The following FGGY variants were observed in gnomAD, a reference collection of about 807,000 sequenced individuals.
FGGY encodes the protein FGGY carbohydrate kinase domain containing.
Under a neutral mutation model 71.3 loss-of-function variants are expected in FGGY, and 72 were observed. The ratio of observed to expected loss-of-function variants is 1.01; its 90% CI spans 0.84 to 1.23. The LOEUF (loss-of-function observed/expected upper bound fraction) is 1.23, where lower values mean the gene tolerates loss of function less well. Among genes scored for constraint, FGGY ranks in the 50% most tolerant of loss-of-function variants. The pLI is 0.00. For synonymous variants in FGGY, 251 were observed against 250.3 expected (o/e 1.00, Z -0.02); for missense variants, 668 against 682.3 (o/e 0.98, Z 0.23).
intron 9 of FGGY, among the ~76,000 whole-genome samples, chr1:59,610,438 C>T (rs2096663622): frequency 6.6e-6 from 1 of 152,200 alleles, no homozygotes; most frequent in Non-Finnish European, 1.5e-5. Context: ...CATAGTATTC[C>T]ATGGTGTATA....
At chr1:59,536,053 T>C (rs2153674191) in intron 7 of FGGY, among the ~76,000 whole-genome samples, 1 of 151,556 alleles carries the variant, frequency 6.6e-6, no homozygotes, top group East Asian at 1.9e-4. Flanking sequence ...AGCTGGTTTT[T>C]TGAAAGGATC....
At chr1:59,747,189 G>A (rs2098205897) in intron 14 of FGGY, among the ~76,000 whole-genome samples, 1 of 152,166 alleles carries the variant, frequency 6.6e-6, no homozygotes. Context: ...TCTGTCTGAT[G>A]CTTTTAGCAA....
chr1:59,378,601 A>G (rs2058964181), intron 4 of FGGY, 148 bp from the exon 5 acceptor site: 3 of 608,966 alleles, frequency 4.9e-6, no homozygotes, highest in African/African-American at 3.7e-5. Flanking sequence ...CTGCTTTTAT[A>G]TTATTCCTAC....
At chr1:59,696,989 GAA>G (rs34816683) in intron 14 of FGGY, among the ~76,000 whole-genome samples, 72 of 149,974 alleles carry the variant, frequency 4.8e-4, no homozygotes, top group African/African-American at 1.4e-3. Context: ...AAAATTACAT[GAA>G]AAAAAAAAAC....
At chr1:59,517,354 CT>C (rs2094691131) in intron 7 of FGGY, among the ~76,000 whole-genome samples, 1 of 148,472 alleles carries the variant, frequency 6.7e-6, no homozygotes. Flanking sequence ...CAAGCTCCGC[CT>C]CCCGGGTTCA....
intron 6 of FGGY, among the ~76,000 whole-genome samples, chr1:59,494,025 T>C (rs565547019): frequency 1.6e-4 from 24 of 152,266 alleles, no homozygotes; most frequent in African/African-American, 5.8e-4. Flanking sequence ...TAGGGTTTGA[T>C]TCAGTTCTGG....
At chr1:59,608,032 T>C in intron 9 of FGGY, 122 bp downstream of exon 9, 2 of 697,772 alleles carry the variant, frequency 2.9e-6, no homozygotes, top group East Asian at 2.7e-5. Flanking sequence ...CGGGGTGTAC[T>C]TTCTCTTAGT....
At chr1:59,633,257 G>A (rs144423315) in intron 10 of FGGY, among the ~76,000 whole-genome samples, 234 of 152,182 alleles carry the variant, frequency 1.5e-3, no homozygotes, top group African/African-American at 1.2e-3. Flanking sequence ...TGGTCTGCCC[G>A]CCTCGGCCTC....
chr1:59,600,089 A>C (rs1407243547), intron 8 of FGGY, among the ~76,000 whole-genome samples: 1 of 152,188 alleles, frequency 6.6e-6, no homozygotes, highest in African/African-American at 2.4e-5. Context: ...GGAGGACACT[A>C]TTTGGGTCAG....
chr1:59,481,123 A>G (rs1186530307), intron 6 of FGGY, among the ~76,000 whole-genome samples: 1 of 152,242 alleles, frequency 6.6e-6, no homozygotes, highest in Non-Finnish European at 1.5e-5. Context: ...TGACTTGCAC[A>G]GTCAAAATGT....
intron 7 of FGGY, among the ~76,000 whole-genome samples, chr1:59,536,306 A>G (rs2095313258): frequency 1.3e-5 from 2 of 152,332 alleles, no homozygotes; most frequent in East Asian, 1.9e-4. Context: ...GAATAGACCA[A>G]TAACAGGCTC....
chr1:59,484,482 T>TA (rs777622824), intron 6 of FGGY, among the ~76,000 whole-genome samples: 7 of 152,178 alleles, frequency 4.6e-5, no homozygotes, highest in Non-Finnish European at 8.8e-5. Flanking sequence ...TGCCAGGGTG[T>TA]AAAAAGTGCA....
chr1:59,481,586 T>A (rs974049157), intron 6 of FGGY, among the ~76,000 whole-genome samples: 1 of 152,174 alleles, frequency 6.6e-6, no homozygotes, highest in Non-Finnish European at 1.5e-5. Context: ...TAAAAATGAA[T>A]CACCTATTTA....
At chr1:59,390,175 T>TG (rs2060529560) in intron 5 of FGGY, among the ~76,000 whole-genome samples, 1 of 152,198 alleles carries the variant, frequency 6.6e-6, no homozygotes, top group South Asian at 2.1e-4. Flanking sequence ...TCTTTACCCT[T>TG]ATTTTTGAGA....
chr1:59,376,103 G>A (rs2058622015), intron 4 of FGGY, among the ~76,000 whole-genome samples: 1 of 152,048 alleles, frequency 6.6e-6, no homozygotes, highest in African/African-American at 2.4e-5. Flanking sequence ...AAGCCATTCT[G>A]GTAGTTTGAT....
At chr1:59,698,204 A>G (rs2097678622) in intron 14 of FGGY, among the ~76,000 whole-genome samples, 1 of 152,164 alleles carries the variant, frequency 6.6e-6, no homozygotes, top group Non-Finnish European at 1.5e-5. Flanking sequence ...AGGGAACCTC[A>G]TGTCATTTGA....
At chr1:59,477,316 G>A (rs558197144) in intron 6 of FGGY, among the ~76,000 whole-genome samples, 30 of 152,190 alleles carry the variant, frequency 2.0e-4, no homozygotes, top group African/African-American at 2.4e-5. Context: ...TTTTGACTCC[G>A]AGATACCCAT....
chr1:59,360,127 G>GTTA (rs200166794), intron 4 of FGGY, among the ~76,000 whole-genome samples: 6,502 of 145,670 alleles, frequency 0.045, 188 homozygotes, highest in Non-Finnish European at 0.065. Context: ...TTCTATCATT[G>GTTA]TTATTATTAT....
chr1:59,735,919 T>C (rs539476993), intron 14 of FGGY, among the ~76,000 whole-genome samples: 1 of 152,310 alleles, frequency 6.6e-6, no homozygotes, highest in African/African-American at 2.4e-5. Context: ...CCTGGGACCT[T>C]ACACCCTGAT....
Sources: gnomAD v4.1 joint callset for allele counts (sites outside exome capture counted in the v4.1 genomes callset) on GRCh38, gnomAD v4.1.1 for gene constraint, MANE v1.5 for transcripts, NCBI Gene and HGNC (gene_info 2026-07-23, HGNC 2026-07-21) for gene names.